GRM7: variants seen among roughly 807,000 people sequenced by gnomAD.
The protein encoded by GRM7 is glutamate metabotropic receptor 7, also known as metabotropic glutamate receptor 7.
In GRM7, 35 loss-of-function variants were observed where a neutral mutation model predicts 84.5. The observed-to-expected ratio is 0.41, with a 90% CI of 0.32 to 0.55. GRM7 has a LOEUF of 0.55. GRM7 is among the 20% of genes least tolerant of loss of function. GRM7 has a pLI of 0.19. For missense variants in GRM7, 1,003 were observed against 1,194.6 expected (o/e 0.84, Z 2.36); for synonymous variants, 487 against 455.1 (o/e 1.07, Z -0.89).
intron 4 of GRM7, among the ~76,000 whole-genome samples, chr3:7,397,634 C>T (rs993905465): frequency 6.6e-6 from 1 of 152,096 alleles, no homozygotes; most frequent in Non-Finnish European, 1.5e-5. Flanking sequence ...GATCATTGCA[C>T]ATTGCATGCC....
At chr3:7,487,489 C>T (rs1015147697) in intron 7 of GRM7, among the ~76,000 whole-genome samples, 3 of 152,130 alleles carry the variant, frequency 2.0e-5, no homozygotes, top group Non-Finnish European at 4.4e-5. Context: ...GGAATGTTCT[C>T]CATGAATCTG....
intron 2 of GRM7, among the ~76,000 whole-genome samples, chr3:7,159,853 A>G (rs780562274): frequency 3.3e-5 from 5 of 152,140 alleles, no homozygotes; most frequent in Non-Finnish European, 5.9e-5. Flanking sequence ...TAAAAACTAA[A>G]AGTTCAAAAT....
At chr3:7,365,623 A>G (rs1693844194) in intron 4 of GRM7, among the ~76,000 whole-genome samples, 1 of 143,978 alleles carries the variant, frequency 6.9e-6, no homozygotes, top group Non-Finnish European at 1.5e-5. Flanking sequence ...GTCTGATTTA[A>G]TATGCATGTG....
At chr3:7,314,258 C>CA (rs1328641946) in intron 4 of GRM7, among the ~76,000 whole-genome samples, 2 of 152,156 alleles carry the variant, frequency 1.3e-5, no homozygotes, top group Non-Finnish European at 2.9e-5. Context: ...CTAACTATGT[C>CA]AGCAGCAACT....
chr3:7,363,742 T>C (rs1693764641), intron 4 of GRM7, among the ~76,000 whole-genome samples: 1 of 152,070 alleles, frequency 6.6e-6, no homozygotes, highest in African/African-American at 2.4e-5. Flanking sequence ...TGTCAAATGA[T>C]TCACTCCACC....
intron 1 of GRM7, among the ~76,000 whole-genome samples, chr3:7,119,233 A>T (rs1369674283): frequency 6.6e-6 from 1 of 151,996 alleles, no homozygotes; most frequent in African/African-American, 2.4e-5. Context: ...TTCCCATATG[A>T]TACATTCACA....
intron 1 of GRM7, among the ~76,000 whole-genome samples, chr3:6,905,820 G>A (rs1696554444): frequency 6.6e-6 from 1 of 152,228 alleles, no homozygotes; most frequent in Admixed American, 6.5e-5. Context: ...AAAGTTTTGA[G>A]CTTCATTGGG....
chr3:7,267,652 G>A (rs983516415), intron 2 of GRM7, among the ~76,000 whole-genome samples: 1 of 152,208 alleles, frequency 6.6e-6, no homozygotes, highest in African/African-American at 2.4e-5. Context: ...AAGGTTAGGA[G>A]ATAAAGTCTC....
At chr3:7,273,271 A>AG (rs71063299) in intron 2 of GRM7, among the ~76,000 whole-genome samples, 152,232 of 152,232 alleles carry the variant, frequency 1, 76,116 homozygotes, top group Non-Finnish European at 1. Flanking sequence ...TGTATGGCCC[A>AG]AATATGATCT....
intron 8 of GRM7, among the ~76,000 whole-genome samples, chr3:7,667,059 A>G (rs530687427): frequency 1.3e-5 from 2 of 152,214 alleles, no homozygotes; most frequent in East Asian, 3.9e-4. Flanking sequence ...TAAACATCAG[A>G]GTTTGAAGTC....
chr3:7,263,648 A>C (rs927500899), intron 2 of GRM7, among the ~76,000 whole-genome samples: 3 of 152,072 alleles, frequency 2.0e-5, no homozygotes, highest in Non-Finnish European at 2.9e-5. Flanking sequence ...CTCTGTGTGC[A>C]TTCATGTGGG....
intron 2 of GRM7, among the ~76,000 whole-genome samples, chr3:7,158,369 A>G (rs1188950619): frequency 6.6e-6 from 1 of 152,034 alleles, no homozygotes; most frequent in Non-Finnish European, 1.5e-5. Flanking sequence ...CCTGCCCAAC[A>G]AACTTTGCAT....
At chr3:7,348,485 T>C (rs1267356408) in intron 4 of GRM7, among the ~76,000 whole-genome samples, 2 of 152,142 alleles carry the variant, frequency 1.3e-5, no homozygotes, top group Non-Finnish European at 2.9e-5. Context: ...CCTTATTCAT[T>C]TTCTCTCTCT....
chr3:7,388,162 T>A (rs1374964441), intron 4 of GRM7, among the ~76,000 whole-genome samples: 3 of 152,110 alleles, frequency 2.0e-5, no homozygotes, highest in Non-Finnish European at 4.4e-5. Flanking sequence ...ATTACTGAAG[T>A]CATTTATCAG....
At chr3:7,198,571 T>C (rs1388303221) in intron 2 of GRM7, among the ~76,000 whole-genome samples, 1 of 152,188 alleles carries the variant, frequency 6.6e-6, no homozygotes, top group African/African-American at 2.4e-5. Flanking sequence ...CCTTACCTAC[T>C]GGACACCATA....
At chr3:7,012,713 A>G (rs923524653) in intron 1 of GRM7, among the ~76,000 whole-genome samples, 5 of 152,130 alleles carry the variant, frequency 3.3e-5, no homozygotes, top group Admixed American at 3.3e-4. Context: ...ATCTGAACAA[A>G]TAGGCCTTGC....
Position 6,937,891 on chromosome 3 carries a change from G to A in GRM7, c.519+75984G>A, listed in dbSNP as rs149579006. Among the ~76,000 whole-genome samples, 3 of 152,278 alleles carry A rather than the reference G, an allele frequency of 2.0e-5. No homozygotes were observed. The South Asian group carries it at 6.2e-4, about 32-fold the overall frequency. On this transcript the variant is annotated intron_variant, in intron 1 of 9. Transcript: ENST00000357716. ...CCACTTATTGAGCACTTACTATGTA[G>A]ACTACATGCCTCTTGTCTATGATTT...
At chr3:7,666,264 A>C (rs1699696019) in intron 8 of GRM7, among the ~76,000 whole-genome samples, 1 of 152,222 alleles carries the variant, frequency 6.6e-6, no homozygotes, top group Admixed American at 6.5e-5. Flanking sequence ...AACAGAAAAT[A>C]TTCTGGGCAG....
intron 2 of GRM7, among the ~76,000 whole-genome samples, chr3:7,242,067 C>G (rs748127629): frequency 2.0e-5 from 3 of 152,142 alleles, no homozygotes; most frequent in African/African-American, 4.8e-5. Flanking sequence ...CTGTTAACCA[C>G]CAACTGAGGT....
Sources: gnomAD v4.1 joint callset for allele counts (sites outside exome capture counted in the v4.1 genomes callset) on GRCh38, gnomAD v4.1.1 for gene constraint, MANE v1.5 for transcripts, NCBI Gene and HGNC (gene_info 2026-07-23, HGNC 2026-07-21) for gene names.